SKIL: variants seen among roughly 807,000 people sequenced by gnomAD.
SKIL encodes the protein SKI like proto-oncogene.
SKIL carries 20 observed loss-of-function variants against 69.6 expected under a neutral mutation model. The observed-to-expected ratio is 0.29, with a 90% confidence interval of 0.20 to 0.42. SKIL has a LOEUF of 0.42. Ranked by LOEUF, SKIL falls within the 10% of genes least tolerant of loss-of-function variation. The probability of loss-of-function intolerance (pLI) is 1.00; values close to 1 mark genes in which losing one functional copy is unlikely to be tolerated. For synonymous variants in SKIL, 310 were observed against 279.9 expected, an observed-to-expected ratio of 1.11 and a Z score of -1.08; for missense variants, 745 against 783.1, an observed-to-expected ratio of 0.95 and a Z score of 0.58.
At chr3:170,358,072 C>T (rs1403640107) in intron 1 of SKIL, among the ~76,000 whole-genome samples, 2 of 152,216 alleles carry the variant, frequency 1.3e-5, no homozygotes, top group South Asian at 2.1e-4. Context: ...CCCGGACGCC[C>T]GTCACCGCCC....
At chr3:170,382,771 T>C (rs1018504247) in intron 3 of SKIL, among the ~76,000 whole-genome samples, 1 of 139,086 alleles carries the variant, frequency 7.2e-6, no homozygotes, top group African/African-American at 2.7e-5. Flanking sequence ...CAGGCTGGAG[T>C]GCAATGGTAT....
chr3:170,377,941 T>G (rs1483246072), intron 2 of SKIL, among the ~76,000 whole-genome samples: 1 of 152,006 alleles, frequency 6.6e-6, no homozygotes, highest in Non-Finnish European at 1.5e-5. Context: ...TCACCCAGGC[T>G]GGAGTGCAAT....
chr3:170,362,137 G>A (rs1409140657), intron 2 of SKIL, among the ~76,000 whole-genome samples: 1 of 152,120 alleles, frequency 6.6e-6, no homozygotes, highest in East Asian at 1.9e-4. Context: ...TGAAGAATTT[G>A]TGATTTGAAA....
chr3:170,380,700 AG>A (rs1305709402), intron 2 of SKIL, among the ~76,000 whole-genome samples: 4 of 152,148 alleles, frequency 2.6e-5, no homozygotes, highest in Non-Finnish European at 4.4e-5. Context: ...AATTTGATGC[AG>A]TCATTTCTGG....
intron 2 of SKIL, 121 bp downstream of exon 2, chr3:170,361,550 C>T (rs1205365362): frequency 8.9e-6 from 7 of 784,198 alleles, no homozygotes; most frequent in Non-Finnish European, 1.4e-5. Flanking sequence ...AACAAAATAC[C>T]GATTGATATA....
At chr3:170,369,858 A>G (rs1736713247) in intron 2 of SKIL, among the ~76,000 whole-genome samples, 1 of 152,214 alleles carries the variant, frequency 6.6e-6, no homozygotes, top group South Asian at 2.1e-4. Flanking sequence ...ATTTTATTCT[A>G]CTGGGATTCA....
At position 170,392,241 on chromosome 3, in the gene SKIL, G is replaced by A. The variant is rs138660357; in HGVS notation, c.1897-18G>A. On this transcript the variant is annotated intron_variant, in intron 6 of 6. Coordinates refer to ENST00000259119, the MANE Select transcript of SKIL (RefSeq NM_005414.5). ...AAACAAAACAATTAAAATTGATAGCGCCTTTTAAATCACATAGTTGGCAGA... is the reference window on the plus strand; with the variant it reads ...AAACAAAACAATTAAAATTGATAGCACCTTTTAAATCACATAGTTGGCAGA... The A allele has an allele frequency of 3.4e-5, 53 of 1,557,508 alleles. No individual in the cohort carries two copies. In the Middle Eastern group the frequency reaches 8.6e-4, roughly 25 times the overall value.
rs1380966128 is a variant in SKIL, at chr3:170,391,273, G to A, written c.1896+13G>A. The A allele has an allele frequency of 2.1e-6, 3 of 1,431,174 alleles. No individual in the cohort carries two copies. The highest frequency in any genetic ancestry group is 2.3e-5 in the East Asian group (1 of 43,534). 88.7% of individuals were successfully genotyped at this position (1,431,174 alleles called of 1,614,324 possible). A position where few individuals can be genotyped will look rare whatever the true frequency, so the allele number is the denominator to read the frequency against. The stretch of plus-strand genomic sequence containing the variant: ...ATATGCAGGACAGGTAAGAATTACT[G>A]TTTGTATAATGGTGCCCTTTCAGCA... On this transcript the variant is annotated intron_variant, in intron 6 of 6. Transcript: ENST00000259119.
chr3:170,372,480 G>T (rs1240267398), intron 2 of SKIL, among the ~76,000 whole-genome samples: 1 of 152,222 alleles, frequency 6.6e-6, no homozygotes, highest in East Asian at 1.9e-4. Flanking sequence ...TGATTACAGA[G>T]AAGTGAGGCC....
intron 2 of SKIL, among the ~76,000 whole-genome samples, chr3:170,376,840 T>A (rs551808313): frequency 2.3e-4 from 35 of 152,302 alleles, no homozygotes; most frequent in African/African-American, 7.7e-4. Flanking sequence ...CCTCCCAAAG[T>A]GCTAGGTAAT....
At chr3:170,366,478 G>A (rs1736519171) in intron 2 of SKIL, among the ~76,000 whole-genome samples, 3 of 151,890 alleles carry the variant, frequency 2.0e-5, no homozygotes, top group Admixed American at 2.0e-4. Context: ...TCAGGGGTTC[G>A]GGACCAGCCT....
chr3:170,362,486 G>T (rs1345826413), intron 2 of SKIL, among the ~76,000 whole-genome samples: 1 of 151,426 alleles, frequency 6.6e-6, no homozygotes, highest in Non-Finnish European at 1.5e-5. Flanking sequence ...TAGGCGTCGA[G>T]GGAAACTCCA....
chr3:170,392,484 A>C lies in SKIL; in HGVS notation c.*67A>C, dbSNP rs1737974796. The C allele has an allele frequency of 6.9e-6, 7 of 1,014,792 alleles. No homozygotes were observed. The highest frequency in any genetic ancestry group is 9.9e-6 in the Non-Finnish European group (7 of 706,574). The allele number at this position is 1,014,792 out of a possible 1,614,324, so 62.9% of individuals were successfully genotyped here. A position where few individuals can be genotyped will look rare whatever the true frequency, so the allele number is the denominator to read the frequency against. On this transcript the variant is annotated 3_prime_UTR_variant, in exon 7 of 7. Coordinates refer to ENST00000259119, the MANE Select transcript of SKIL (RefSeq NM_005414.5). Reference sequence around the variant, plus strand: ...TTTTTTGTTTGTTGCTTGCTTTGGTAATTGAATTCTGAAGAATTTATCTGC... The same window carrying C: ...TTTTTTGTTTGTTGCTTGCTTTGGTCATTGAATTCTGAAGAATTTATCTGC...
chr3:170,358,172 G>T (rs1042484793), intron 1 of SKIL, among the ~76,000 whole-genome samples: 13 of 152,212 alleles, frequency 8.5e-5, no homozygotes. Context: ...CGCGCCCGGC[G>T]CCTAAACTGC....
intron 4 of SKIL, among the ~76,000 whole-genome samples, chr3:170,387,816 C>T (rs1170832784): frequency 2.1e-5 from 3 of 141,000 alleles, no homozygotes; most frequent in African/African-American, 7.6e-5. Flanking sequence ...CGCCTGTAGT[C>T]CCAGCTACTT....
rs1737961820 is a variant in SKIL, at chr3:170,392,247, T to G, written c.1897-12T>G. On this transcript the variant is annotated splice_polypyrimidine_tract_variant and intron_variant, in intron 6 of 6. Coordinates refer to ENST00000259119, the MANE Select transcript of SKIL (RefSeq NM_005414.5). ...AACAATTAAAATTGATAGCGCCTTT[T>G]AAATCACATAGTTGGCAGAACTGAG... The G allele has an allele frequency of 1.3e-6, 2 of 1,571,622 alleles. No homozygotes were observed. Among genetic ancestry groups the G allele is most frequent in the Non-Finnish European group, 1.7e-6 (2 of 1,163,032 alleles).
intron 4 of SKIL, among the ~76,000 whole-genome samples, chr3:170,388,443 T>G (rs1737756363): frequency 6.6e-6 from 1 of 152,186 alleles, no homozygotes; most frequent in Non-Finnish European, 1.5e-5. Flanking sequence ...TCTTTTTACT[T>G]TCTTGTTAGT....
chr3:170,370,054 A>G (rs913290575), intron 2 of SKIL, among the ~76,000 whole-genome samples: 1 of 151,892 alleles, frequency 6.6e-6, no homozygotes, highest in Non-Finnish European at 1.5e-5. Flanking sequence ...CCTGGCTAAC[A>G]TGGTGAAACC....
At chr3:170,371,755 T>C (rs1736815024) in intron 2 of SKIL, among the ~76,000 whole-genome samples, 1 of 152,222 alleles carries the variant, frequency 6.6e-6, no homozygotes. Context: ...ATTCATTACA[T>C]ACAATGGATG....
Sources: allele counts gnomAD v4.1 joint callset (sites outside exome capture counted in the v4.1 genomes callset), GRCh38; gene constraint gnomAD v4.1.1; transcripts MANE v1.5; gene names NCBI Gene and HGNC (gene_info 2026-07-23, HGNC 2026-07-21).